The following TJP3 variants were observed in gnomAD, a reference collection of about 807,000 sequenced individuals.
TJP3 encodes the protein tight junction protein 3.
In TJP3, 85 loss-of-function variants were observed where a neutral mutation model predicts 104.2. That is an observed-to-expected ratio of 0.82 (90% CI 0.68 to 0.98). The LOEUF is 0.98. Among genes scored for constraint, TJP3 ranks in the 50% least tolerant of loss-of-function variants. The pLI is 0.00. For synonymous variants in TJP3, 550 were observed against 550.6 expected (o/e 1.00, Z 0.02); for missense variants, 1,367 against 1,322.8 (o/e 1.03, Z -0.52).
chr19:3,743,803 A>T (rs1471349928), intron 14 of TJP3, 136 bp from the exon 15 acceptor site: 5 of 707,476 alleles, frequency 7.1e-6, no homozygotes, highest in Non-Finnish European at 9.7e-6. Context: ...TGGGAGATGT[A>T]GTATTTGGCT....
At position 3,746,203 on chromosome 19, in the gene TJP3, C is replaced by A; in HGVS notation, c.2010+122C>A. The A allele has an allele frequency of 9.3e-7, 1 of 1,078,172 alleles. No individual in the cohort carries two copies. The highest frequency in any genetic ancestry group is 1.4e-6 in the Non-Finnish European group (1 of 736,518). 66.8% of individuals were successfully genotyped at this position (1,078,172 alleles called of 1,614,324 possible). ...CCACAAGTGCAGTCTTCCATAGAGC[C>A]CCTTTTGGAGGCTTTGTGAGGCAGG... On this transcript the variant is annotated intron_variant, in intron 16 of 20. Coordinates refer to ENST00000541714, the MANE Select transcript of TJP3 (RefSeq NM_001267560.2). The surrounding 1 kb of genome is among the most constrained non-coding windows in gnomAD (Gnocchi z 4.1).
chr19:3,717,834 C>T (rs2036495711), intron 1 of TJP3, among the ~76,000 whole-genome samples: 1 of 151,596 alleles, frequency 6.6e-6, no homozygotes, highest in Non-Finnish European at 1.5e-5. Context: ...ACTGCAGCCT[C>T]CACCGCCTGG....
rs751693351 is a variant in TJP3, at chr19:3,738,915, A to G, written c.1412A>G (p.Gln471Arg). The G allele has an allele frequency of 5.6e-6, 9 of 1,600,318 alleles. No homozygotes were observed. Among genetic ancestry groups the G allele is most frequent in the Non-Finnish European group, 7.7e-6 (9 of 1,171,010 alleles). ...TCCCCAGTTTTCTGGAAAATGGTGC[A>G]GTCCCGCGTGGGTGACTCCTTCTAC... ...RKQDIFWKMV[Q>R]SRVGDSFYIR... Residue 471 changes from glutamine to arginine, a missense_variant, in exon 13 of 21, where the codon CAG becomes CGG. By Grantham distance (43) the Gln-to-Arg change is conservative. Coordinates refer to ENST00000541714, the MANE Select transcript of TJP3 (RefSeq NM_001267560.2).
chr19:3,717,224 C>T (rs1453309596), intron 1 of TJP3, among the ~76,000 whole-genome samples: 1 of 146,460 alleles, frequency 6.8e-6, no homozygotes, highest in African/African-American at 2.4e-5. Flanking sequence ...CTCGACCTCC[C>T]AAAGTGCTGG....
In TJP3 at chr19:3,746,609, G is replaced by A; in HGVS notation, c.2135G>A (p.Trp712Ter). ...CCGGCCCTCAAGGCACTGCGCCAGT[G>A]GCTGGCGCCTGCCTCCCGCCGCAGC... ...SRPALKALRQWLAPASRRSTR... is the reference protein window; with the variant it reads ...SRPALKALRQ Residue 712 changes from tryptophan to a stop codon, truncating the protein, a stop_gained, in exon 17 of 21, where the codon TGG becomes TAG. Transcript: ENST00000541714. LOFTEE classifies it high-confidence loss of function. The surrounding 1 kb of genome is among the most constrained non-coding windows in gnomAD (Gnocchi z 4.1). 1 of 1,611,612 alleles carries A rather than the reference G, an allele frequency of 6.2e-7. No homozygotes were observed. Among genetic ancestry groups the A allele is most frequent in the Non-Finnish European group, 8.5e-7 (1 of 1,179,510 alleles).
chr19:3,711,778 T>C (rs971529030), intron 1 of TJP3, among the ~76,000 whole-genome samples: 1 of 149,890 alleles, frequency 6.7e-6, no homozygotes, highest in African/African-American at 2.4e-5. Flanking sequence ...GCTTAATTCA[T>C]TAATTAATAT....
At chr19:3,741,697 G>A (rs974672194) in intron 14 of TJP3, among the ~76,000 whole-genome samples, 4 of 151,662 alleles carry the variant, frequency 2.6e-5, no homozygotes, top group African/African-American at 4.8e-5. Flanking sequence ...GCCTGGGTGC[G>A]GTGGCTCACG....
In TJP3 at chr19:3,746,415, T is replaced by G. The variant is rs2036888788; in HGVS notation, c.2011-70T>G. The G allele has an allele frequency of 6.5e-7, 1 of 1,541,702 alleles. No homozygotes were observed. Among genetic ancestry groups the G allele is most frequent in the African/African-American group, 1.4e-5 (1 of 73,428 alleles). On this transcript the variant is annotated intron_variant, in intron 16 of 20. Transcript: ENST00000541714. This position sits in a 1 kb window ranked among gnomAD's most constrained non-coding sequence, Gnocchi z 4.1. Reference sequence around the variant, plus strand: ...CCACTCTGACCTCAGACTCTTCATCTTTCTATCTTTCTCTCTCTGTTTACC... The same window carrying G: ...CCACTCTGACCTCAGACTCTTCATCGTTCTATCTTTCTCTCTCTGTTTACC...
chr19:3,740,546 C>T lies in TJP3; in HGVS notation c.1632-6C>T. The T allele has an allele frequency of 1.4e-6, 2 of 1,458,768 alleles. No individual in the cohort carries two copies. The highest frequency in any genetic ancestry group is 1.8e-6 in the Non-Finnish European group (2 of 1,105,620). 90.4% of individuals were successfully genotyped at this position (1,458,768 alleles called of 1,614,324 possible). A position where few individuals can be genotyped will look rare whatever the true frequency, so the allele number is the denominator to read the frequency against. ...AGTGCTCAGTACTGTCCCCTCTTCTCCCCAGGGCGGAGCAGCTGGCCAGCC... is the reference window on the plus strand; with the variant it reads ...AGTGCTCAGTACTGTCCCCTCTTCTTCCCAGGGCGGAGCAGCTGGCCAGCC... On this transcript the variant is annotated splice_region_variant and splice_polypyrimidine_tract_variant and intron_variant, in intron 13 of 20. Transcript: ENST00000541714.
At chr19:3,722,923 C>G (rs2036558467) in intron 1 of TJP3, among the ~76,000 whole-genome samples, 2 of 116,584 alleles carry the variant, frequency 1.7e-5, no homozygotes, top group East Asian at 5.7e-4. Flanking sequence ...GACTTGGTAC[C>G]GGCCCCGTCC....
At chr19:3,749,177 C>T (rs992428629) in intron 19 of TJP3, among the ~76,000 whole-genome samples, 1 of 152,098 alleles carries the variant, frequency 6.6e-6, no homozygotes, top group East Asian at 1.9e-4. Context: ...CTCCAGCCAA[C>T]ATTTTAACCT....
intron 19 of TJP3, among the ~76,000 whole-genome samples, chr19:3,748,970 T>C (rs1429851154): frequency 7.0e-5 from 10 of 143,746 alleles, no homozygotes; most frequent in African/African-American, 2.3e-4. Flanking sequence ...GCGTTTCTCC[T>C]CCCTCAGACT....
At position 3,730,063 on chromosome 19, in the gene TJP3, C is replaced by T; in HGVS notation, c.194C>T (p.Ser65Phe). The T allele has an allele frequency of 1.2e-6, 2 of 1,614,080 alleles. No individual in the cohort carries two copies. The highest frequency in any genetic ancestry group is 1.3e-5 in the African/African-American group (1 of 75,030). Residue 65 changes from serine (S) to phenylalanine (F), a missense_variant, in exon 4 of 21, where the codon TCC (serine) becomes TTC (phenylalanine). Ser to Phe is a radical substitution (Grantham distance 155, BLOSUM62 -2). Transcript: ENST00000541714. The surrounding 1 kb of genome is among the most constrained non-coding windows in gnomAD (Gnocchi z 7.3). ...GDHIVMVNGV[S>F]MENATSAFAI... Reference sequence around the variant, plus strand: ...CACATCGTCATGGTGAACGGGGTTTCCATGGAGAATGCCACCTCCGCGTTT... The same window carrying T: ...CACATCGTCATGGTGAACGGGGTTTTCATGGAGAATGCCACCTCCGCGTTT...
intron 7 of TJP3, among the ~76,000 whole-genome samples, 158 bp downstream of exon 7, chr19:3,734,070 G>T (rs1309796691): frequency 6.6e-6 from 1 of 152,170 alleles, no homozygotes; most frequent in African/African-American, 2.4e-5. Flanking sequence ...AAGAGTTCAG[G>T]GGGGCGATCT....
Position 3,737,082 on chromosome 19 carries a change from G to C in TJP3, c.1284+761G>C, listed in dbSNP as rs970961471. On this transcript the variant is annotated intron_variant, in intron 11 of 20. Coordinates refer to ENST00000541714, the MANE Select transcript of TJP3 (RefSeq NM_001267560.2). ...TTTAGTAGAGACAGGGTTTCACCAT[G>C]TTGGCCAGGCTGGTCTTGAACTCCT... Among the ~76,000 whole-genome samples the C allele has an allele frequency of 2.0e-5, 3 of 152,058 alleles. No homozygotes were observed. The South Asian group carries it at 6.2e-4, about 32-fold the overall frequency.
chr19:3,750,138 G>A lies in TJP3; in HGVS notation c.2611G>A (p.Val871Met). Residue 871 changes from valine (V) to methionine (M), a missense_variant and splice_region_variant, in exon 20 of 21, where the codon GTG becomes ATG. Physicochemically the swap from Val to Met is conservative, Grantham distance 21 (BLOSUM62 1). Coordinates refer to ENST00000541714, the MANE Select transcript of TJP3 (RefSeq NM_001267560.2). ...GRISAHQGAQ[V>M]DSRHPQGQWR... is the part of the protein sequence containing the mutation. Reference sequence around the variant, plus strand: ...AGCTCCTCTCTCCCTCTCCTCCAAGGTGGACAGCCGCCACCCCCAGGGACA... The same window carrying A: ...AGCTCCTCTCTCCCTCTCCTCCAAGATGGACAGCCGCCACCCCCAGGGACA... 6.2e-7 allele frequency: 1 copy of A among 1,614,090 alleles called. No individual in the cohort carries two copies. Among genetic ancestry groups the A allele is most frequent in the East Asian group, 2.2e-5 (1 of 44,870 alleles).
chr19:3,729,089 G>A (rs781538011), intron 3 of TJP3, among the ~76,000 whole-genome samples: 1 of 152,092 alleles, frequency 6.6e-6, no homozygotes, highest in Admixed American at 6.6e-5. Flanking sequence ...AAACCTTTGT[G>A]AGCCTGGCAC....
At chr19:3,731,068 C>T (rs1054004744) in intron 5 of TJP3, among the ~76,000 whole-genome samples, 1 of 152,198 alleles carries the variant, frequency 6.6e-6, no homozygotes, top group African/African-American at 2.4e-5. Flanking sequence ...CTGTCCCTTT[C>T]TGCCTGTCTG....
Position 3,728,417 on chromosome 19 carries a change from C to T in TJP3, c.-9-7C>T, listed in dbSNP as rs200919427. On this transcript the variant is annotated splice_region_variant and splice_polypyrimidine_tract_variant and intron_variant, in intron 1 of 20. Transcript: ENST00000541714. ...TCATGCCCATCTTCCCCGCTCCCCT[C>T]GACCAGGTGGCTGACATGGAGGAGC... 3 of 1,614,188 alleles carry T rather than the reference C, an allele frequency of 1.9e-6. No individual in the cohort carries two copies. Among genetic ancestry groups the T allele is most frequent in the South Asian group, 1.1e-5 (1 of 91,076 alleles).
Sources: allele counts gnomAD v4.1 joint callset (sites outside exome capture counted in the v4.1 genomes callset), GRCh38; gene constraint gnomAD v4.1.1; non-coding constraint Gnocchi (gnomAD v3.1); transcripts MANE v1.5; gene names NCBI Gene and HGNC (gene_info 2026-07-23, HGNC 2026-07-21).